Variants in SNX19 observed in about 807,000 individuals in gnomAD.
SNX19 encodes the protein sorting nexin 19, also known as sorting nexin-19.
A neutral mutation model predicts 85.2 loss-of-function variants in SNX19; 60 were observed. The observed-to-expected ratio is 0.70, with a 90% confidence interval of 0.57 to 0.87. The LOEUF is 0.87. SNX19 is among the 40% of genes least tolerant of loss of function. SNX19 has a pLI of 0.00. For synonymous variants in SNX19, 520 were observed against 470.0 expected (o/e 1.11, Z -1.38); for missense variants, 1,201 against 1,217.8 (o/e 0.99, Z 0.21).
At chr11:130,889,556 T>C (rs533181159) in intron 8 of SNX19, among the ~76,000 whole-genome samples, 18 of 152,278 alleles carry the variant, frequency 1.2e-4, no homozygotes, top group Admixed American at 1.0e-3. Flanking sequence ...CAGGCGTGAA[T>C]TTTAAGTTAA....
rs1390305827 is a variant in SNX19 at position 130,878,229 on chromosome 11, C to T, written c.*193G>A. 8 of 482,272 alleles carry T rather than the reference C, an allele frequency of 1.7e-5. No individual in the cohort carries two copies. The highest frequency in any genetic ancestry group is 3.1e-5 in the East Asian group (1 of 31,948). The allele number at this position is 482,272 out of a possible 1,614,324, so 29.9% of individuals were successfully genotyped here. On this transcript the variant is annotated 3_prime_UTR_variant, in exon 11 of 11. Transcript: ENST00000265909. ...ATCACAAAAGGAACAGGGAAATAAA[C>T]GTGCATACAACTGGGACACACAGAC...
intron 2 of SNX19, 21 bp from the exon 3 acceptor site, chr11:130,910,391 C>T (rs1467314817): frequency 7.4e-7 from 1 of 1,351,830 alleles, no homozygotes; most frequent in South Asian, 1.2e-5. Context: ...AAAAAAAAAT[C>T]AAAATATTCA....
intron 8 of SNX19, chr11:130,895,261 A>T (rs939135193): frequency 1.0e-6 from 1 of 984,968 alleles, no homozygotes; most frequent in Non-Finnish European, 1.2e-6. Flanking sequence ...TCCCCAATTA[A>T]CTGAAGATCT....
chr11:130,904,848 C>T (rs2135386776), intron 7 of SNX19, among the ~76,000 whole-genome samples: 1 of 152,154 alleles, frequency 6.6e-6, no homozygotes, highest in South Asian at 2.1e-4. Context: ...CTGACCCTGC[C>T]CCCCACCATC....
chr11:130,907,823 T>C, intron 5 of SNX19, 130 bp downstream of exon 5: 1 of 1,394,350 alleles, frequency 7.2e-7, no homozygotes, highest in Non-Finnish European at 9.8e-7. Flanking sequence ...GGTCTAGCTT[T>C]GCCTAAAAAC....
rs376977557 is a variant in SNX19 at position 130,915,947 on chromosome 11, C to T, written c.-8G>A. 8.2e-5 allele frequency: 132 copies of T among 1,610,252 alleles called. No homozygotes were observed. In the African/African-American group the frequency reaches 1.7e-3, roughly 20 times the overall value. ...CACTGTTTCTGTCTTCATGGCTGAA[C>T]GGACAAGGTGGCTTCCCCAGATGAC... On this transcript the variant is annotated 5_prime_UTR_variant, in exon 1 of 11. Transcript: ENST00000265909.
intron 8 of SNX19, among the ~76,000 whole-genome samples, chr11:130,901,648 AAGG>A (rs939253646): frequency 6.6e-6 from 1 of 152,202 alleles, no homozygotes; most frequent in African/African-American, 2.4e-5. Flanking sequence ...CCAAGTAAGA[AAGG>A]AGGTGGAATT....
Position 130,870,466 on chromosome 11 carries a change from C to A in SNX19, c.*7956G>T, listed in dbSNP as rs993921767. 2.6e-5 allele frequency among the ~76,000 whole-genome samples: 4 copies of A among 152,234 alleles called. No homozygotes were observed. The highest frequency in any genetic ancestry group is 9.6e-5 in the African/African-American group (4 of 41,458). ...AATGGATTTCTTTACCTCACCTAAA[C>A]AGATCCACTGAAAAGGAAACTTTTT... On this transcript the variant is annotated 3_prime_UTR_variant, in exon 11 of 11. Transcript: ENST00000265909.
In SNX19 at chr11:130,877,141, A is replaced by C. The variant is rs1306242052; in HGVS notation, c.*1281T>G. On this transcript the variant is annotated 3_prime_UTR_variant, in exon 11 of 11. Coordinates refer to ENST00000265909, the MANE Select transcript of SNX19 (RefSeq NM_014758.3). Reference sequence around the variant, plus strand: ...GTAATTCAGCGAAAGCAAGGCGCTAACAGGCGAGTGTGAAGCCAAAGGGCT... The same window carrying C: ...GTAATTCAGCGAAAGCAAGGCGCTACCAGGCGAGTGTGAAGCCAAAGGGCT... The C allele has an allele frequency of 6.6e-6, 1 of 152,258 alleles. No individual in the cohort carries two copies. Among genetic ancestry groups the C allele is most frequent in the East Asian group, 1.9e-4 (1 of 5,186 alleles). The allele number at this position is 152,258 out of a possible 1,614,324, so 9.4% of individuals were successfully genotyped here.
In SNX19 at chr11:130,872,496, G is replaced by A. The variant is rs1943066551; in HGVS notation, c.*5926C>T. ...TCTTAAACCAGTCAATGTTGTCTTT[G>A]TGTAATAAGAAATATCAGGTAAGTC... On this transcript the variant is annotated 3_prime_UTR_variant, in exon 11 of 11. Transcript: ENST00000265909. 6.6e-6 allele frequency among the ~76,000 whole-genome samples: 1 copy of A among 150,880 alleles called. No homozygotes were observed. Among genetic ancestry groups the A allele is most frequent in the African/African-American group, 2.4e-5 (1 of 40,976 alleles).
At chr11:130,913,997 T>C (rs377156506) in intron 1 of SNX19, among the ~76,000 whole-genome samples, 220 of 152,312 alleles carry the variant, frequency 1.4e-3, no homozygotes, top group African/African-American at 5.1e-3. Context: ...GCAGCTCAAG[T>C]GATTTTGAGG....
chr11:130,896,208 G>A (rs1372263359), intron 8 of SNX19, among the ~76,000 whole-genome samples: 1 of 152,168 alleles, frequency 6.6e-6, no homozygotes, highest in African/African-American at 2.4e-5. Context: ...AAGAGATGGG[G>A]TATAAGACAT....
chr11:130,903,712 C>T (rs202172699), intron 7 of SNX19, among the ~76,000 whole-genome samples: 4 of 93,520 alleles, frequency 4.3e-5, no homozygotes, highest in African/African-American at 7.6e-5. Flanking sequence ...TATATATATA[C>T]ACATACACAC....
At chr11:130,884,720 A>T (rs1943925327) in intron 8 of SNX19, among the ~76,000 whole-genome samples, 1 of 151,936 alleles carries the variant, frequency 6.6e-6, no homozygotes, top group African/African-American at 2.4e-5. Flanking sequence ...TACAAAAAAA[A>T]TTAGCTGGGC....
intron 8 of SNX19, among the ~76,000 whole-genome samples, chr11:130,885,352 G>A (rs942330679): frequency 1.3e-5 from 2 of 152,186 alleles, no homozygotes; most frequent in Non-Finnish European, 2.9e-5. Context: ...GCCGCAGATA[G>A]GGGAATGAAG....
chr11:130,909,254 T>C (rs1044986301), intron 4 of SNX19, among the ~76,000 whole-genome samples: 1 of 149,824 alleles, frequency 6.7e-6, no homozygotes, highest in Non-Finnish European at 1.5e-5. Flanking sequence ...ACCCAGTTGA[T>C]CCCTTTTTAG....
chr11:130,900,517 A>G (rs1314155058), intron 8 of SNX19, among the ~76,000 whole-genome samples: 1 of 152,112 alleles, frequency 6.6e-6, no homozygotes, highest in Non-Finnish European at 1.5e-5. Flanking sequence ...ATCATTCTCT[A>G]ACTCCCAGAA....
At chr11:130,904,693 G>C (rs1945518122) in intron 7 of SNX19, among the ~76,000 whole-genome samples, 1 of 94,058 alleles carries the variant, frequency 1.1e-5, no homozygotes, top group Non-Finnish European at 2.4e-5. Context: ...GAAAATGGTA[G>C]ATTTTTTTTT....
Position 130,897,352 on chromosome 11 carries a change from A to G in SNX19, c.2573+5903T>C, listed in dbSNP as rs73583861. Among the ~76,000 whole-genome samples the G allele has an allele frequency of 5.0e-3, 758 of 151,744 alleles. 9 individuals carry two copies. Among genetic ancestry groups the G allele is most frequent in the African/African-American group, 0.018 (724 of 41,320 alleles). On this transcript the variant is annotated intron_variant, in intron 8 of 10. Transcript: ENST00000265909. ...TCCCACATGCCCCCAACACTCACACACACACACTCTGTCTCTATCTTACAC... is the reference window on the plus strand; with the variant it reads ...TCCCACATGCCCCCAACACTCACACGCACACACTCTGTCTCTATCTTACAC...
Sources: allele counts gnomAD v4.1 joint callset (sites outside exome capture counted in the v4.1 genomes callset), GRCh38; gene constraint gnomAD v4.1.1; transcripts MANE v1.5; gene names NCBI Gene and HGNC (gene_info 2026-07-23, HGNC 2026-07-21).